Variants in SDK1 observed in about 807,000 individuals in gnomAD.
SDK1 encodes the protein protein sidekick-1.
A neutral mutation model predicts 245.5 loss-of-function variants in SDK1; 157 were observed. That is an observed-to-expected ratio of 0.64 (90% CI 0.56 to 0.73). The LOEUF is 0.73. Ranked by LOEUF, SDK1 falls within the 30% of genes least tolerant of loss-of-function variation. The probability of loss-of-function intolerance (pLI) is 0.00; values close to 1 mark genes in which losing one functional copy is unlikely to be tolerated. For missense variants in SDK1, 3,583 were observed against 3,002.3 expected, an observed-to-expected ratio of 1.19 and a Z score of -4.52; for synonymous variants, 1,647 against 1,278.5, an observed-to-expected ratio of 1.29 and a Z score of -6.15.
intron 21 of SDK1, among the ~76,000 whole-genome samples, chr7:4,078,997 G>A (rs1445740074): frequency 2.0e-5 from 3 of 152,132 alleles, no homozygotes; most frequent in African/African-American, 4.8e-5. Flanking sequence ...CGGGTGTCAC[G>A]CCGCCTGGGA....
At chr7:3,810,830 G>T (rs1221596707) in intron 4 of SDK1, among the ~76,000 whole-genome samples, 1 of 152,104 alleles carries the variant, frequency 6.6e-6, no homozygotes, top group African/African-American at 2.4e-5. Flanking sequence ...GTGGCATCTG[G>T]GTGGAAGTAT....
chr7:3,543,172 C>G (rs1436406811), intron 1 of SDK1, among the ~76,000 whole-genome samples: 2 of 152,204 alleles, frequency 1.3e-5, no homozygotes, highest in Admixed American at 1.3e-4. Flanking sequence ...TGGAAATCGA[C>G]AAAATAATGT....
chr7:3,687,771 G>A (rs1437634312), intron 4 of SDK1, among the ~76,000 whole-genome samples: 3 of 152,148 alleles, frequency 2.0e-5, no homozygotes, highest in African/African-American at 7.2e-5. Flanking sequence ...AACACAAGAG[G>A]TCCTTGCGGT....
chr7:3,723,000 A>T (rs895409864), intron 4 of SDK1, among the ~76,000 whole-genome samples: 5 of 152,250 alleles, frequency 3.3e-5, no homozygotes, highest in African/African-American at 1.2e-4. Context: ...GGGAGAAGAA[A>T]AGAAGTAACA....
intron 20 of SDK1, 65 bp from the exon 21 acceptor site, chr7:4,076,933 G>T: frequency 7.1e-7 from 1 of 1,404,458 alleles, no homozygotes; most frequent in Non-Finnish European, 9.9e-7. Context: ...CGATGGTGCT[G>T]TGGAATTCAG....
intron 1 of SDK1, among the ~76,000 whole-genome samples, chr7:3,569,006 G>GTTTTT (rs5881992): frequency 7.0e-6 from 1 of 143,580 alleles, no homozygotes; most frequent in Admixed American, 6.9e-5. Context: ...TGTGGCATAT[G>GTTTTT]TTTTTTTTTT....
intron 4 of SDK1, among the ~76,000 whole-genome samples, chr7:3,723,804 G>A (rs190731421): frequency 4.8e-5 from 7 of 147,356 alleles, no homozygotes; most frequent in African/African-American, 7.7e-5. Context: ...ACATATACAC[G>A]TGTATATACA....
At chr7:3,594,273 T>C (rs1386998216) in intron 1 of SDK1, among the ~76,000 whole-genome samples, 1 of 152,224 alleles carries the variant, frequency 6.6e-6, no homozygotes, top group African/African-American at 2.4e-5. Context: ...TGTTGCAACA[T>C]GTGTCAACAC....
intron 1 of SDK1, among the ~76,000 whole-genome samples, chr7:3,438,464 TTC>T (rs1210611042): frequency 3.9e-5 from 6 of 152,204 alleles, no homozygotes; most frequent in South Asian, 2.1e-4. Flanking sequence ...TGGCCGCTAT[TTC>T]TGTCTTATCT....
At chr7:3,332,763 C>T (rs1046724126) in intron 1 of SDK1, among the ~76,000 whole-genome samples, 1 of 152,110 alleles carries the variant, frequency 6.6e-6, no homozygotes, top group African/African-American at 2.4e-5. Context: ...CTTCTAGTTC[C>T]AGATAACTTC....
intron 44 of SDK1, among the ~76,000 whole-genome samples, chr7:4,252,434 C>T (rs1357188482): frequency 6.6e-6 from 1 of 152,148 alleles, no homozygotes; most frequent in African/African-American, 2.4e-5. Flanking sequence ...ATATGTGCCA[C>T]ATTTTCTTAA....
chr7:3,767,763 G>A (rs1780296666), intron 4 of SDK1, among the ~76,000 whole-genome samples: 1 of 151,966 alleles, frequency 6.6e-6, no homozygotes, highest in African/African-American at 2.4e-5. Flanking sequence ...ATCTAATGAT[G>A]GTATTTTGCC....
At chr7:3,323,623 A>C (rs1244069432) in intron 1 of SDK1, among the ~76,000 whole-genome samples, 1 of 152,164 alleles carries the variant, frequency 6.6e-6, no homozygotes, top group East Asian at 1.9e-4. Flanking sequence ...CCATCTTCAA[A>C]CCAGCAATGG....
rs530887928 is a variant in SDK1 at position 4,245,763 on chromosome 7, C to G, written c.6339C>G (p.Ser2113Arg). ...ACAACGGCGCCGTGCTGACCGAGAGCGTGAGCCTCAAGGAGAAGTCGGCAG... is the reference window on the plus strand; with the variant it reads ...ACAACGGCGCCGTGCTGACCGAGAGGGTGAGCCTCAAGGAGAAGTCGGCAG... ...NKYNGAVLTESVSLKEKSADA... is the reference protein window; with the variant it reads ...NKYNGAVLTERVSLKEKSADA... The change falls in exon 44 of 45, where the codon AGC becomes AGG. Residue 2113 changes from serine (S) to arginine (R), a missense_variant. Coordinates refer to ENST00000404826, the MANE Select transcript of SDK1 (RefSeq NM_152744.4). 2.1e-4 allele frequency: 331 copies of G among 1,613,950 alleles called. 3 individuals carry two copies. The South Asian group carries it at 2.9e-3, about 14-fold the overall frequency.
At chr7:3,354,808 C>G (rs1428055476) in intron 1 of SDK1, among the ~76,000 whole-genome samples, 3 of 152,194 alleles carry the variant, frequency 2.0e-5, no homozygotes, top group African/African-American at 7.2e-5. Context: ...GCTTGAATAT[C>G]TCAAAATGAA....
At chr7:3,793,599 TG>T (rs1179461190) in intron 4 of SDK1, among the ~76,000 whole-genome samples, 3 of 152,214 alleles carry the variant, frequency 2.0e-5, no homozygotes, top group Non-Finnish European at 4.4e-5. Context: ...CTATAGCTGT[TG>T]TCAGCAACTA....
At chr7:3,508,326 CT>C (rs746963363) in intron 1 of SDK1, among the ~76,000 whole-genome samples, 14,785 of 135,926 alleles carry the variant, frequency 0.11, 1,499 homozygotes, top group African/African-American at 0.29. Flanking sequence ...TCTTCTTCTT[CT>C]TTTTTTTTTT....
chr7:3,909,638 G>A (rs1779089755), intron 5 of SDK1, among the ~76,000 whole-genome samples: 3 of 152,186 alleles, frequency 2.0e-5, no homozygotes, highest in African/African-American at 7.2e-5. Flanking sequence ...TGGCCTATAT[G>A]CGCTCTCCAG....
At chr7:3,743,005 T>G (rs1779519464) in intron 4 of SDK1, among the ~76,000 whole-genome samples, 1 of 152,204 alleles carries the variant, frequency 6.6e-6, no homozygotes, top group Non-Finnish European at 1.5e-5. Context: ...GGATATTCAG[T>G]ACACATGGTC....
Sources: gnomAD v4.1 joint callset for allele counts (sites outside exome capture counted in the v4.1 genomes callset) on GRCh38, gnomAD v4.1.1 for gene constraint, MANE v1.5 for transcripts, NCBI Gene and HGNC (gene_info 2026-07-23, HGNC 2026-07-21) for gene names.